The following TLL2 variants were observed in gnomAD, a reference collection of about 807,000 sequenced individuals.
TLL2 encodes tolloid-like protein 2.
TLL2 carries 106 observed loss-of-function variants against 123.0 expected under a neutral mutation model. The ratio of observed to expected loss-of-function variants is 0.86; its 90% confidence interval spans 0.74 to 1.01. The LOEUF (loss-of-function observed/expected upper bound fraction) is 1.01. Ranked by LOEUF, TLL2 falls within the 50% of genes least tolerant of loss-of-function variation. The pLI is 0.00. For synonymous variants in TLL2, 494 were observed against 516.8 expected (o/e 0.96, Z 0.60); for missense variants, 1,332 against 1,336.7 (o/e 1.00, Z 0.06).
intron 15 of TLL2, among the ~76,000 whole-genome samples, chr10:96,385,018 C>T (rs1343491545): frequency 6.6e-6 from 1 of 152,206 alleles, no homozygotes; most frequent in Non-Finnish European, 1.5e-5. Flanking sequence ...CCTGCATCCC[C>T]GTAATTGTAG....
chr10:96,395,264 C>T lies in TLL2; in HGVS notation c.1649G>A (p.Ser550Asn). The change falls in exon 13 of 21, where the codon AGC (serine) becomes AAC (asparagine). Residue 550 changes from serine to asparagine, a missense_variant. Transcript: ENST00000357947. ...AAACTTCATCCACAGTCTGTTGGAG[C>T]TCGATTTCACATCCTCCGGCTTCTC... is the stretch of plus-strand genomic sequence containing the variant. ...GYEKPEDVKS[S>N]SNRLWMKFVS... 1 of 1,614,042 alleles carries T rather than the reference C, an allele frequency of 6.2e-7. No individual in the cohort carries two copies. Among genetic ancestry groups the T allele is most frequent in the Non-Finnish European group, 8.5e-7 (1 of 1,180,018 alleles).
chr10:96,482,572 C>G (rs1157420399), intron 1 of TLL2, among the ~76,000 whole-genome samples: 1 of 152,142 alleles, frequency 6.6e-6, no homozygotes, highest in Non-Finnish European at 1.5e-5. Context: ...TAACTGTTGC[C>G]AAACACTACA....
intron 1 of TLL2, among the ~76,000 whole-genome samples, chr10:96,507,291 G>A (rs1247052028): frequency 1.7e-4 from 1 of 5,930 alleles, no homozygotes; most frequent in Non-Finnish European, 0.012. Flanking sequence ...AAGGCCATGA[G>A]CTGCCTCCCC....
At chr10:96,412,385 C>T (rs760903983) in intron 8 of TLL2, among the ~76,000 whole-genome samples, 2 of 152,164 alleles carry the variant, frequency 1.3e-5, no homozygotes, top group Non-Finnish European at 2.9e-5. Context: ...TTCTATCCTC[C>T]TAAAACCACT....
At chr10:96,445,580 C>T (rs1025333978) in intron 3 of TLL2, among the ~76,000 whole-genome samples, 2 of 152,184 alleles carry the variant, frequency 1.3e-5, no homozygotes, top group Admixed American at 1.3e-4. Flanking sequence ...CTTTGCCTCC[C>T]TCACCCATTC....
rs200181555 is a variant in TLL2, at chr10:96,410,377, C to T, written c.1146G>A (p.Ser382=). Residue 382 remains serine, a synonymous_variant, in exon 9 of 21, where the codon TCG becomes TCA. Transcript: ENST00000357947. ...CACCTACCTTTTCCCCTGGGGTGACCGAGATCCTCCAGACGCAGTGGGAGT... is the reference window on the plus strand; with the variant it reads ...CACCTACCTTTTCCCCTGGGGTGACTGAGATCCTCCAGACGCAGTGGGAGT... ...PSYSHCVWRI[S]VTPGEKIVLN... is the part of the protein sequence containing the mutation. 311 of 1,613,268 alleles carry T rather than the reference C, an allele frequency of 1.9e-4. 3 individuals carry two copies. The East Asian group carries it at 6.5e-3, about 34-fold the overall frequency.
At chr10:96,395,093 G>T in intron 13 of TLL2, 94 bp downstream of exon 13, 1 of 1,324,968 alleles carries the variant, frequency 7.5e-7, no homozygotes, top group African/African-American at 1.5e-5. Context: ...GCCTTGTTTG[G>T]TGGTAAGCTT....
intron 1 of TLL2, among the ~76,000 whole-genome samples, chr10:96,511,393 C>T (rs550692210): frequency 6.6e-6 from 1 of 152,330 alleles, no homozygotes; most frequent in Admixed American, 6.5e-5. Context: ...TCCTTATCAT[C>T]GCCCTCTTCT....
At chr10:96,380,224 A>G (rs951384843) in intron 16 of TLL2, among the ~76,000 whole-genome samples, 40 of 152,130 alleles carry the variant, frequency 2.6e-4, no homozygotes, top group Admixed American at 2.6e-3. Flanking sequence ...ATGCAGCCCT[A>G]TCCTAAGCCA....
chr10:96,436,502 T>A (rs1269584809), intron 3 of TLL2, among the ~76,000 whole-genome samples: 1 of 152,252 alleles, frequency 6.6e-6, no homozygotes, highest in Non-Finnish European at 1.5e-5. Context: ...ACTAAGACTA[T>A]GAATTGTCAT....
chr10:96,372,419 A>G lies in TLL2; in HGVS notation c.2662+1177T>C, dbSNP rs537776084. On this transcript the variant is annotated intron_variant, in intron 19 of 20. Transcript: ENST00000357947. ...GTCACCAGCTCTGACAAAGGACACA[A>G]TTGTACATCAGGATCAAAGGGTCAG... Among the ~76,000 whole-genome samples the G allele has an allele frequency of 1.7e-4, 26 of 152,344 alleles. No individual in the cohort carries two copies. The South Asian group carries it at 5.2e-3, about 30-fold the overall frequency.
intron 2 of TLL2, among the ~76,000 whole-genome samples, chr10:96,467,647 A>G (rs1023837761): frequency 3.9e-5 from 6 of 152,256 alleles, no homozygotes; most frequent in African/African-American, 1.4e-4. Flanking sequence ...TGGAGGCTAC[A>G]TAAGTAAAAA....
In TLL2 at chr10:96,474,453, C is replaced by A. The variant is rs777282239; in HGVS notation, c.286+5896G>T. On this transcript the variant is annotated intron_variant, in intron 2 of 20. Coordinates refer to ENST00000357947, the MANE Select transcript of TLL2 (RefSeq NM_012465.4). ...AAGAGGCTTGAATGGGTCATCCAACCTTTCTGGGGGTCTTCATTTCCTTAT... is the reference window on the plus strand; with the variant it reads ...AAGAGGCTTGAATGGGTCATCCAACATTTCTGGGGGTCTTCATTTCCTTAT... 1.6e-3 allele frequency among the ~76,000 whole-genome samples: 241 copies of A among 152,320 alleles called. 3 individuals carry two copies. The highest frequency in any genetic ancestry group is 1.8e-3 in the Non-Finnish European group (124 of 68,036).
chr10:96,495,283 C>T, intron 1 of TLL2, among the ~76,000 whole-genome samples: 1 of 152,058 alleles, frequency 6.6e-6, no homozygotes, highest in East Asian at 1.9e-4. Flanking sequence ...GGAAATCCTA[C>T]CCACAGATGC....
At chr10:96,384,962 T>A (rs991512705) in intron 15 of TLL2, among the ~76,000 whole-genome samples, 195 bp from the exon 16 acceptor site, 2 of 152,220 alleles carry the variant, frequency 1.3e-5, no homozygotes, top group African/African-American at 2.4e-5. Flanking sequence ...CCACTGAGGC[T>A]CTGTGGGGGT....
At chr10:96,395,496 C>T (rs1846331872) in intron 12 of TLL2, 114 bp from the exon 13 acceptor site, 3 of 1,061,898 alleles carry the variant, frequency 2.8e-6, no homozygotes, top group African/African-American at 3.2e-5. Flanking sequence ...GCCAAAGGAC[C>T]CAAGTGTGTC....
chr10:96,498,247 G>A (rs1847497796), intron 1 of TLL2, among the ~76,000 whole-genome samples: 4 of 152,194 alleles, frequency 2.6e-5, no homozygotes, highest in African/African-American at 9.6e-5. Flanking sequence ...GAGGGAAGGA[G>A]GACTGGGATC....
chr10:96,428,529 A>G, intron 5 of TLL2, 102 bp downstream of exon 5: 1 of 790,140 alleles, frequency 1.3e-6, no homozygotes, highest in Non-Finnish European at 2.1e-6. Context: ...GGACTCCTCT[A>G]AATAACAGCT....
intron 2 of TLL2, among the ~76,000 whole-genome samples, chr10:96,464,699 C>T (rs1564912478): frequency 6.6e-6 from 1 of 152,190 alleles, no homozygotes; most frequent in African/African-American, 2.4e-5. Flanking sequence ...GTCTACACCA[C>T]CTGCTTTCAA....
Sources: gnomAD v4.1 joint callset for allele counts (sites outside exome capture counted in the v4.1 genomes callset) on GRCh38, gnomAD v4.1.1 for gene constraint, MANE v1.5 for transcripts, NCBI Gene and HGNC (gene_info 2026-07-23, HGNC 2026-07-21) for gene names.